ARRB1: variants seen among roughly 807,000 people sequenced by gnomAD.
ARRB1 encodes beta-arrestin-1.
In ARRB1, 21 loss-of-function variants were observed where a neutral mutation model predicts 56.8. The ratio of observed to expected loss-of-function variants is 0.37; its 90% CI spans 0.26 to 0.53. The LOEUF is 0.53. ARRB1 is among the 20% of genes least tolerant of loss of function. The pLI is 0.88. For synonymous variants in ARRB1, 210 were observed against 218.6 expected, an observed-to-expected ratio of 0.96 and a Z score of 0.35; for missense variants, 424 against 553.7, an observed-to-expected ratio of 0.77 and a Z score of 2.35.
At chr11:75,295,883 T>A in intron 1 of ARRB1, among the ~76,000 whole-genome samples, 1 of 152,164 alleles carries the variant, frequency 6.6e-6, no homozygotes, top group African/African-American at 2.4e-5. Flanking sequence ...TTCTCCTGGC[T>A]GATACAAAAA....
chr11:75,299,985 T>C (rs1054560245), intron 1 of ARRB1, among the ~76,000 whole-genome samples: 2 of 151,926 alleles, frequency 1.3e-5, no homozygotes, highest in African/African-American at 4.8e-5. Flanking sequence ...GGGGGGCAGA[T>C]CACGAGGTCA....
chr11:75,333,056 C>T (rs1270565583), intron 1 of ARRB1, among the ~76,000 whole-genome samples: 1 of 152,230 alleles, frequency 6.6e-6, no homozygotes, highest in Non-Finnish European at 1.5e-5. Flanking sequence ...CCCCGACCAC[C>T]TTGGGCACAT....
chr11:75,320,884 T>C (rs892815656), intron 1 of ARRB1, among the ~76,000 whole-genome samples: 2 of 152,032 alleles, frequency 1.3e-5, no homozygotes, highest in Non-Finnish European at 2.9e-5. Flanking sequence ...CGCAAAGCCT[T>C]CATGGGGGCC....
At chr11:75,311,143 C>T (rs954445641) in intron 1 of ARRB1, among the ~76,000 whole-genome samples, 1 of 152,138 alleles carries the variant, frequency 6.6e-6, no homozygotes, top group Admixed American at 6.5e-5. Context: ...TCGAGACCAG[C>T]CTGACCAACA....
chr11:75,290,026 C>G lies in ARRB1; in HGVS notation c.34G>C (p.Ala12Pro), dbSNP rs138466122. Residue 12 changes from alanine (A) to proline (P), a missense_variant, in exon 2 of 16, where the codon GCC becomes CCC. By Grantham distance (27) the Ala-to-Pro change is conservative. Transcript: ENST00000420843. The part of the protein sequence containing the change: ...GDKGTRVFKK[A>P]SPNGKLTVYL... ...AGACTCACCTTTCCATTTGGACTGG[C>G]CTTCTTGAACACTCTGTGGAGAGAA... is the stretch of plus-strand genomic sequence containing the variant. The G allele has an allele frequency of 2.5e-6, 4 of 1,614,236 alleles. No individual in the cohort carries two copies. Among genetic ancestry groups the G allele is most frequent in the Admixed American group, 3.3e-5 (2 of 60,024 alleles).
chr11:75,307,221 C>A (rs1947052919), intron 1 of ARRB1, among the ~76,000 whole-genome samples: 1 of 152,140 alleles, frequency 6.6e-6, no homozygotes, highest in Admixed American at 6.5e-5. Flanking sequence ...CCTGAGCTCC[C>A]CATGAATCAG....
intron 1 of ARRB1, among the ~76,000 whole-genome samples, chr11:75,325,825 G>T (rs918296269): frequency 3.3e-5 from 5 of 152,134 alleles, no homozygotes; most frequent in African/African-American, 1.2e-4. Context: ...CTAACCTTGT[G>T]CGTAAAGGGA....
chr11:75,333,551 G>A lies in ARRB1; in HGVS notation c.20+18037C>T, dbSNP rs115278549. 6.4e-3 allele frequency among the ~76,000 whole-genome samples: 980 copies of A among 152,226 alleles called. 9 individuals are homozygous for A. Among genetic ancestry groups the A allele is most frequent in the African/African-American group, 0.022 (927 of 41,520 alleles). ...TGATGAGGGTCATGGGGCAGGAGAG[G>A]GACAATCAGCATGTATTGAGCACCT... On this transcript the variant is annotated intron_variant, in intron 1 of 15. Transcript: ENST00000420843.
intron 4 of ARRB1, among the ~76,000 whole-genome samples, chr11:75,283,860 G>C (rs977021014): frequency 1.3e-5 from 2 of 152,164 alleles, no homozygotes; most frequent in Non-Finnish European, 2.9e-5. Context: ...GGCAGGGCAA[G>C]TGCTGGGTGG....
At chr11:75,282,069 C>G (rs755383950) in intron 5 of ARRB1, 48 bp from the exon 6 acceptor site, 4 of 1,601,454 alleles carry the variant, frequency 2.5e-6, no homozygotes, top group Non-Finnish European at 3.4e-6. Flanking sequence ...CCACCACTGT[C>G]CTGTCTCATG....
chr11:75,304,234 C>G (rs1946970236), intron 1 of ARRB1, among the ~76,000 whole-genome samples: 1 of 152,088 alleles, frequency 6.6e-6, no homozygotes, highest in South Asian at 2.1e-4. Flanking sequence ...GATATTAATT[C>G]AAAAACATCA....
In ARRB1 at chr11:75,261,961, C is replaced by T. The variant is rs1945800963; in HGVS notation, c.*4202G>A. 6.6e-6 allele frequency: 1 copy of T among 152,198 alleles called. No homozygotes were observed. Among genetic ancestry groups the T allele is most frequent in the East Asian group, 1.9e-4 (1 of 5,192 alleles). The allele number at this position is 152,198 out of a possible 1,614,324, so 9.4% of individuals were successfully genotyped here. A position where few individuals can be genotyped will look rare whatever the true frequency, so the allele number is the denominator to read the frequency against. On this transcript the variant is annotated 3_prime_UTR_variant, in exon 16 of 16. Coordinates refer to ENST00000420843, the MANE Select transcript of ARRB1 (RefSeq NM_004041.5). Reference sequence around the variant, plus strand: ...TGGATGGGTGGAGAGCAACCAGTCCCCAGTGACAGGCAGGAGAGAAGCTGC... The same window carrying T: ...TGGATGGGTGGAGAGCAACCAGTCCTCAGTGACAGGCAGGAGAGAAGCTGC...
chr11:75,316,667 A>G (rs1947271448), intron 1 of ARRB1, among the ~76,000 whole-genome samples: 1 of 152,198 alleles, frequency 6.6e-6, no homozygotes, highest in African/African-American at 2.4e-5. Context: ...CTGTAATCCC[A>G]GCAACTCAGA....
In ARRB1 at chr11:75,283,490, G is replaced by T. The variant is rs761699212; in HGVS notation, c.158-7C>A. On this transcript the variant is annotated splice_polypyrimidine_tract_variant and splice_region_variant and intron_variant, in intron 4 of 15. Transcript: ENST00000420843. ...CAGGTCAGCGTCACATAGACTGTGG[G>T]GAGCGAGGAGCACTGAGGAGGGGCC... The T allele has an allele frequency of 3.8e-6, 6 of 1,598,558 alleles. No individual in the cohort carries two copies. Among genetic ancestry groups the T allele is most frequent in the Non-Finnish European group, 5.1e-6 (6 of 1,170,892 alleles).
intron 1 of ARRB1, among the ~76,000 whole-genome samples, chr11:75,344,050 C>A (rs1451530254): frequency 6.6e-6 from 1 of 152,150 alleles, no homozygotes; most frequent in Non-Finnish European, 1.5e-5. Context: ...CTCCTGACCT[C>A]AAGTGATCCA....
chr11:75,308,299 A>G (rs1007160450), intron 1 of ARRB1, among the ~76,000 whole-genome samples: 2 of 152,242 alleles, frequency 1.3e-5, no homozygotes, highest in African/African-American at 4.8e-5. Context: ...CACTGAGTAG[A>G]GCCAGGGAGT....
intron 1 of ARRB1, among the ~76,000 whole-genome samples, chr11:75,297,080 C>T (rs1946767279): frequency 6.6e-6 from 1 of 152,126 alleles, no homozygotes; most frequent in African/African-American, 2.4e-5. Flanking sequence ...TTGGCATGAG[C>T]TGAACTTTAC....
At chr11:75,315,763 A>G (rs1197415474) in intron 1 of ARRB1, among the ~76,000 whole-genome samples, 2 of 152,154 alleles carry the variant, frequency 1.3e-5, no homozygotes, top group Admixed American at 1.3e-4. Context: ...TAGGCATCAG[A>G]CCATCCACCA....
intron 1 of ARRB1, among the ~76,000 whole-genome samples, chr11:75,333,400 G>C (rs1374003942): frequency 6.6e-6 from 1 of 152,218 alleles, no homozygotes; most frequent in Non-Finnish European, 1.5e-5. Context: ...CCAGTTCAGG[G>C]TGTATTGAAG....
Sources: allele counts gnomAD v4.1 joint callset (sites outside exome capture counted in the v4.1 genomes callset), GRCh38; gene constraint gnomAD v4.1.1; transcripts MANE v1.5; gene names NCBI Gene and HGNC (gene_info 2026-07-23, HGNC 2026-07-21).